The following SLC38A6 variants were observed in gnomAD, a reference collection of about 807,000 sequenced individuals.
The protein encoded by SLC38A6 is N system amino acid transporter NAT-1.
In SLC38A6, 73 loss-of-function variants were observed where a neutral mutation model predicts 65.0. The observed-to-expected ratio is 1.12, with a 90% confidence interval of 0.93 to 1.37. SLC38A6 has a LOEUF of 1.37. Ranked by LOEUF, SLC38A6 falls within the 40% of genes most tolerant of loss-of-function variation. The pLI, the probability that SLC38A6 is intolerant of heterozygous loss-of-function variation, is 0.00. For synonymous variants in SLC38A6, 183 were observed against 178.8 expected (o/e 1.02, Z -0.19); for missense variants, 561 against 531.1 (o/e 1.06, Z -0.55).
chr14:60,993,298 G>C (rs1388618604), intron 3 of SLC38A6, among the ~76,000 whole-genome samples: 1 of 152,154 alleles, frequency 6.6e-6, no homozygotes, highest in Non-Finnish European at 1.5e-5. Context: ...CTTGCTTAAG[G>C]TTGCACAGCT....
rs1396854262 is a variant in SLC38A6 at position 60,981,328 on chromosome 14, T to C, written c.51T>C (p.Ser17=). The C allele has an allele frequency of 6.8e-6, 11 of 1,610,962 alleles. No homozygotes were observed. The highest frequency in any genetic ancestry group is 7.6e-6 in the Non-Finnish European group (9 of 1,178,830). The change falls in exon 1 of 16, where the codon TCT becomes TCC. Residue 17 remains serine, a synonymous_variant. Coordinates refer to ENST00000267488, the MANE Select transcript of SLC38A6 (RefSeq NM_153811.3). The part of the protein sequence containing the change: ...SFNAERGWYV[S]VQQPEEAEAE... ...ACGCTGAGCGGGGCTGGTATGTCTC[T>C]GTCCAGCAGCCTGAAGAAGCGGAGG...
intron 15 of SLC38A6, among the ~76,000 whole-genome samples, chr14:61,068,148 T>C (rs1594783340): frequency 6.6e-6 from 1 of 152,026 alleles, no homozygotes; most frequent in Non-Finnish European, 1.5e-5. Flanking sequence ...TTCAGAACAT[T>C]TCTGCTTGGG....
At chr14:61,023,701 A>G (rs973999791) in intron 5 of SLC38A6, among the ~76,000 whole-genome samples, 1 of 151,886 alleles carries the variant, frequency 6.6e-6, no homozygotes, top group Non-Finnish European at 1.5e-5. Context: ...TGTAACATTT[A>G]AATACTTCTC....
At chr14:61,083,542 C>A (rs891083834) in intron 16 of SLC38A6, 9 of 1,547,978 alleles carry the variant, frequency 5.8e-6, no homozygotes, top group African/African-American at 2.7e-5. Context: ...GACTGGTGTT[C>A]TTGTAAGAAA....
At chr14:61,005,547 CAGAG>C (rs935244070) in intron 3 of SLC38A6, among the ~76,000 whole-genome samples, 3 of 151,468 alleles carry the variant, frequency 2.0e-5, no homozygotes, top group South Asian at 2.1e-4. Context: ...AACAGACAAA[CAGAG>C]AGCCAAATCA....
chr14:61,061,917 A>G (rs1027972621), intron 15 of SLC38A6, among the ~76,000 whole-genome samples: 4 of 150,612 alleles, frequency 2.7e-5, no homozygotes, highest in African/African-American at 9.8e-5. Context: ...GGCTCACTGT[A>G]GCCTCCATCT....
intron 3 of SLC38A6, among the ~76,000 whole-genome samples, chr14:61,015,269 G>C (rs1393595024): frequency 6.6e-6 from 1 of 152,156 alleles, no homozygotes; most frequent in East Asian, 1.9e-4. Context: ...GATTTTCCAG[G>C]TGCCGGCTGT....
chr14:61,044,074 A>C (rs1159824904), intron 10 of SLC38A6, among the ~76,000 whole-genome samples: 1 of 152,198 alleles, frequency 6.6e-6, no homozygotes, highest in African/African-American at 2.4e-5. Flanking sequence ...GCCCCTGAGC[A>C]TCAGCAGAGG....
intron 3 of SLC38A6, chr14:61,004,636 G>T (rs1253744728): frequency 2.0e-5 from 3 of 152,300 alleles, no homozygotes; most frequent in African/African-American, 7.2e-5. Flanking sequence ...CACTAAACCA[G>T]GAAGAAGTTG....
At chr14:61,011,640 CAT>C (rs1423958629) in intron 3 of SLC38A6, among the ~76,000 whole-genome samples, 1 of 152,156 alleles carries the variant, frequency 6.6e-6, no homozygotes, top group Non-Finnish European at 1.5e-5. Context: ...TTGAGATAAT[CAT>C]GTGGTTTTTG....
exon 17 of SLC38A6, chr14:61,083,601 G>A: frequency 1.9e-6 from 3 of 1,550,500 alleles, no homozygotes; most frequent in Non-Finnish European, 2.6e-6. Flanking sequence ...GCCACGCAAG[G>A]ACACAGCAAG....
chr14:60,981,355 C>G lies in SLC38A6; in HGVS notation c.78C>G (p.Ala26=), dbSNP rs1021906633. The stretch of plus-strand genomic sequence containing the variant: ...TCCAGCAGCCTGAAGAAGCGGAGGC[C>G]GAAGAGTTGAGTCCGTTGCTAAGCA... ...VSVQQPEEAE[A]EELSPLLSNE... is the part of the protein sequence containing the mutation. Residue 26 remains alanine (A), a synonymous_variant, in exon 1 of 16, where the codon GCC becomes GCG. Transcript: ENST00000267488. 3 of 1,608,340 alleles carry G rather than the reference C, an allele frequency of 1.9e-6. No homozygotes were observed. Among genetic ancestry groups the G allele is most frequent in the Non-Finnish European group, 8.5e-7 (1 of 1,177,582 alleles).
intron 16 of SLC38A6, chr14:61,083,519 C>A (rs1470679871): frequency 2.6e-6 from 4 of 1,542,254 alleles, no homozygotes; most frequent in African/African-American, 1.4e-5. Context: ...GCCATTAAGC[C>A]CTAATTCAAT....
intron 8 of SLC38A6, among the ~76,000 whole-genome samples, chr14:61,038,954 G>GAGA (rs2041595434): frequency 6.6e-6 from 1 of 152,118 alleles, no homozygotes; most frequent in Non-Finnish European, 1.5e-5. Flanking sequence ...TTTGATTGTT[G>GAGA]AGAAGTGTGG....
intron 3 of SLC38A6, 115 bp downstream of exon 3, chr14:60,984,918 T>A: frequency 1.0e-6 from 1 of 988,648 alleles, no homozygotes; most frequent in Non-Finnish European, 1.5e-6. Flanking sequence ...TTTTATTAGA[T>A]AGGGTGATCG....
At chr14:61,002,815 GC>G (rs2038803147) in intron 3 of SLC38A6, among the ~76,000 whole-genome samples, 1 of 152,098 alleles carries the variant, frequency 6.6e-6, no homozygotes, top group African/African-American at 2.4e-5. Context: ...GCTAATGATT[GC>G]TTTCAGTCAT....
chr14:61,010,099 C>T (rs976124169), intron 3 of SLC38A6, among the ~76,000 whole-genome samples: 35 of 152,236 alleles, frequency 2.3e-4, no homozygotes, highest in South Asian at 1.0e-3. Flanking sequence ...TGGTATCTCA[C>T]TGTGGTTTTG....
At chr14:61,013,340 T>A (rs1157087038) in intron 3 of SLC38A6, among the ~76,000 whole-genome samples, 10 of 152,344 alleles carry the variant, frequency 6.6e-5, no homozygotes, top group Middle Eastern at 6.8e-3. Flanking sequence ...CTTTATCCAA[T>A]TTGCCAGTCT....
At chr14:61,076,389 A>C (rs2043420481) in intron 15 of SLC38A6, among the ~76,000 whole-genome samples, 2 of 152,242 alleles carry the variant, frequency 1.3e-5, no homozygotes, top group African/African-American at 4.8e-5. Context: ...TGTATAGACC[A>C]GGTTCTATGC....
Sources: gnomAD v4.1 joint callset for allele counts (sites outside exome capture counted in the v4.1 genomes callset) on GRCh38, gnomAD v4.1.1 for gene constraint, MANE v1.5 for transcripts, NCBI Gene and HGNC (gene_info 2026-07-23, HGNC 2026-07-21) for gene names.